Variants in RAB38 observed in about 807,000 individuals in gnomAD.
The protein encoded by RAB38 is RAB38, member RAS oncogene family.
RAB38 carries 15 observed loss-of-function variants against 18.4 expected under a neutral mutation model. That is an observed-to-expected ratio of 0.82 (90% CI 0.55 to 1.26). RAB38 has a LOEUF of 1.26. Among genes scored for constraint, RAB38 ranks in the 50% most tolerant of loss-of-function variants. The pLI is 0.00. For synonymous variants in RAB38, 101 were observed against 104.4 expected (o/e 0.97, Z 0.20); for missense variants, 294 against 267.4 (o/e 1.10, Z -0.69).
At chr11:88,044,417 C>A in the RAB38 span, among the ~76,000 whole-genome samples, 1 of 152,078 alleles carries the variant, frequency 6.6e-6, no homozygotes, top group Non-Finnish European at 1.5e-5. Context: ...GGGCAGCCTT[C>A]CACCCTCCAT....
chr11:87,934,417 G>T, the RAB38 span, among the ~76,000 whole-genome samples: 988 of 152,150 alleles, frequency 6.5e-3, 8 homozygotes, highest in African/African-American at 0.02. Context: ...ACAAATAAAT[G>T]AATTATATGC....
chr11:87,966,681 C>G, the RAB38 span, among the ~76,000 whole-genome samples: 1 of 152,172 alleles, frequency 6.6e-6, no homozygotes, highest in Non-Finnish European at 1.5e-5. Context: ...GGCATTGTCT[C>G]TAGCCCAAAA....
intron 1 of RAB38, among the ~76,000 whole-genome samples, chr11:88,167,937 C>T (rs1470503994): frequency 6.6e-6 from 1 of 152,152 alleles, no homozygotes; most frequent in Non-Finnish European, 1.5e-5. Context: ...AAGAAAGTAA[C>T]ATAAATAAAG....
intron 2 of RAB38, among the ~76,000 whole-genome samples, chr11:88,129,568 G>A (rs1477716791): frequency 6.6e-6 from 1 of 152,114 alleles, no homozygotes; most frequent in Non-Finnish European, 1.5e-5. Flanking sequence ...TTGAACCCAG[G>A]AGGTGGAGGA....
chr11:88,003,865 TA>T, the RAB38 span, among the ~76,000 whole-genome samples: 105 of 35,648 alleles, frequency 2.9e-3, 24 homozygotes, highest in Non-Finnish European at 4.4e-3. Context: ...TATATAAATA[TA>T]ATTATATATT....
the RAB38 span, among the ~76,000 whole-genome samples, chr11:87,823,027 C>A: frequency 6.6e-6 from 1 of 152,074 alleles, no homozygotes; most frequent in Non-Finnish European, 1.5e-5. Context: ...TAAATGACAT[C>A]ACAGCCTCAA....
chr11:87,823,603 T>C, the RAB38 span, among the ~76,000 whole-genome samples: 1 of 152,158 alleles, frequency 6.6e-6, no homozygotes, highest in Middle Eastern at 3.2e-3. Flanking sequence ...AGTTCAGAAA[T>C]ATATCCACAT....
At chr11:87,891,772 C>T in the RAB38 span, among the ~76,000 whole-genome samples, 1 of 151,856 alleles carries the variant, frequency 6.6e-6, no homozygotes, top group Non-Finnish European at 1.5e-5. Context: ...CACTAGGAAT[C>T]AGGAGTAAAC....
the RAB38 span, among the ~76,000 whole-genome samples, chr11:87,922,413 A>T: frequency 1.3e-5 from 2 of 151,986 alleles, no homozygotes; most frequent in African/African-American, 4.8e-5. Context: ...ATGGAGATCT[A>T]GTTTTTGTTT....
At chr11:87,967,117 C>T in the RAB38 span, among the ~76,000 whole-genome samples, 1 of 152,182 alleles carries the variant, frequency 6.6e-6, no homozygotes, top group Non-Finnish European at 1.5e-5. Context: ...TTCCTTTGAA[C>T]TTTAATGTCA....
At chr11:88,019,448 C>T in the RAB38 span, among the ~76,000 whole-genome samples, 4 of 152,194 alleles carry the variant, frequency 2.6e-5, no homozygotes, top group African/African-American at 9.6e-5. Context: ...TGCCAGGACC[C>T]CTGCAACTTG....
chr11:87,914,142 T>C, the RAB38 span, among the ~76,000 whole-genome samples: 2 of 151,836 alleles, frequency 1.3e-5, no homozygotes, highest in Non-Finnish European at 2.9e-5. Context: ...TCTGTTTCCA[T>C]GAACAGATCA....
chr11:88,097,760 G>T, the RAB38 span, among the ~76,000 whole-genome samples: 1 of 151,824 alleles, frequency 6.6e-6, no homozygotes, highest in African/African-American at 2.4e-5. Flanking sequence ...TAAAAATCTA[G>T]AAAAGGACAG....
chr11:88,165,893 A>C (rs902026519), intron 1 of RAB38: 2 of 152,112 alleles, frequency 1.3e-5, no homozygotes, highest in Non-Finnish European at 2.9e-5. Flanking sequence ...TAGATAGAAA[A>C]TAACTGTAAC....
chr11:88,016,350 A>G, the RAB38 span, among the ~76,000 whole-genome samples: 1 of 152,166 alleles, frequency 6.6e-6, no homozygotes, highest in East Asian at 1.9e-4. Context: ...ATGAGGACTT[A>G]TATTCTCAAT....
At chr11:87,866,857 T>C in the RAB38 span, among the ~76,000 whole-genome samples, 5 of 151,778 alleles carry the variant, frequency 3.3e-5, no homozygotes, top group African/African-American at 1.2e-4. Flanking sequence ...GGAAAGCTTC[T>C]GGCATGGGCT....
chr11:87,878,215 A>ATG, the RAB38 span, among the ~76,000 whole-genome samples: 1 of 119,702 alleles, frequency 8.4e-6, no homozygotes, highest in African/African-American at 5.2e-5. Context: ...ATATATATAT[A>ATG]TATATATACA....
chr11:88,134,114 T>C (rs1426152316), intron 2 of RAB38, among the ~76,000 whole-genome samples: 2 of 152,228 alleles, frequency 1.3e-5, no homozygotes, highest in Admixed American at 6.5e-5. Flanking sequence ...AACTACTTAC[T>C]TTACATCTGC....
chr11:87,812,773 C>G, the RAB38 span, among the ~76,000 whole-genome samples: 163 of 152,292 alleles, frequency 1.1e-3, no homozygotes, highest in African/African-American at 3.4e-3. Flanking sequence ...TTTCTGGTTG[C>G]TTGGAAACAA....
Sources: allele counts gnomAD v4.1 joint callset (sites outside exome capture counted in the v4.1 genomes callset), GRCh38; gene constraint gnomAD v4.1.1; transcripts MANE v1.5; gene names NCBI Gene and HGNC (gene_info 2026-07-23, HGNC 2026-07-21).